The following KCNK13 variants were observed in gnomAD, a reference collection of about 807,000 sequenced individuals.
The protein encoded by KCNK13 is potassium two pore domain channel subfamily K member 13.
A neutral mutation model predicts 23.4 loss-of-function variants in KCNK13; 12 were observed. The observed-to-expected ratio is 0.51, with a 90% confidence interval of 0.33 to 0.83. The LOEUF (loss-of-function observed/expected upper bound fraction) is 0.83. KCNK13 is among the 40% of genes least tolerant of loss of function. The pLI is 0.02. For missense variants in KCNK13, 463 were observed against 556.3 expected (o/e 0.83, Z 1.69); for synonymous variants, 231 against 229.5 (o/e 1.01, Z -0.06).
At chr14:90,177,715 GTGA>G (rs1890438846) in intron 1 of KCNK13, among the ~76,000 whole-genome samples, 1 of 152,160 alleles carries the variant, frequency 6.6e-6, no homozygotes, top group Non-Finnish European at 1.5e-5. Flanking sequence ...AGCTGACATG[GTGA>G]TGGGGCCAGA....
chr14:90,153,926 G>A (rs1239361085), intron 1 of KCNK13, among the ~76,000 whole-genome samples: 1 of 152,188 alleles, frequency 6.6e-6, no homozygotes, highest in Non-Finnish European at 1.5e-5. Flanking sequence ...CCTAGCCTCT[G>A]TCCTGGCGTC....
intron 1 of KCNK13, among the ~76,000 whole-genome samples, chr14:90,144,495 C>CTTT (rs71117323): frequency 0.29 from 34,204 of 117,892 alleles, 6,435 homozygotes; most frequent in Non-Finnish European, 0.35. Context: ...TTTACTTTCT[C>CTTT]TTTTTTTTTT....
Position 90,074,996 on chromosome 14 carries a change from A to AT in KCNK13, c.334+12465dup, listed in dbSNP as rs530016927. 9.8e-4 allele frequency among the ~76,000 whole-genome samples: 149 copies of AT among 151,918 alleles called. No homozygotes were observed. In the East Asian group the frequency reaches 0.012, roughly 12 times the overall value. On this transcript the variant is annotated intron_variant, in intron 1 of 1. Coordinates refer to ENST00000282146, the MANE Select transcript of KCNK13 (RefSeq NM_022054.4). Reference sequence around the variant, plus strand: ...ATCTCTTTAGTTGTAATCTTTAGTAATTTTTTTTAAATTAACCACTTAACA... The same window carrying AT: ...ATCTCTTTAGTTGTAATCTTTAGTAATTTTTTTTTAAATTAACCACTTAACA...
chr14:90,178,530 T>C (rs1890450108), intron 1 of KCNK13, among the ~76,000 whole-genome samples: 1 of 151,882 alleles, frequency 6.6e-6, no homozygotes, highest in Admixed American at 6.6e-5. Flanking sequence ...CCTCAGGTGA[T>C]CCGCCCGCCT....
In KCNK13 at chr14:90,062,220, T is replaced by C; in HGVS notation, c.15T>C (p.Gly5=). The C allele has an allele frequency of 1.1e-6, 1 of 932,930 alleles. No homozygotes were observed. The highest frequency in any genetic ancestry group is 3.0e-5 in the Admixed American group (1 of 33,846). 57.8% of individuals were successfully genotyped at this position (932,930 alleles called of 1,614,324 possible). A position where few individuals can be genotyped will look rare whatever the true frequency, so the allele number is the denominator to read the frequency against. Reference sequence around the variant, plus strand: ...GGGGCCCGGCCATGGCTGGCCGGGGTTTCAGCTGGGGCCCGGGCCACCTGA... The same window carrying C: ...GGGGCCCGGCCATGGCTGGCCGGGGCTTCAGCTGGGGCCCGGGCCACCTGA... MAGR[G]FSWGPGHLNE... is the part of the protein sequence containing the mutation. Residue 5 remains glycine (G), a synonymous_variant, in exon 1 of 2, where the codon GGT becomes GGC. Transcript: ENST00000282146. The surrounding 1 kb of genome is among the most constrained non-coding windows in gnomAD (Gnocchi z 4.5).
At chr14:90,072,514 T>C (rs1425365264) in intron 1 of KCNK13, among the ~76,000 whole-genome samples, 1 of 152,184 alleles carries the variant, frequency 6.6e-6, no homozygotes, top group Non-Finnish European at 1.5e-5. Flanking sequence ...GATCATGAGC[T>C]CTGGGCTTCC....
intron 1 of KCNK13, among the ~76,000 whole-genome samples, chr14:90,144,897 T>C (rs1178652685): frequency 6.6e-6 from 1 of 152,180 alleles, no homozygotes; most frequent in African/African-American, 2.4e-5. Flanking sequence ...AAGCATTGTC[T>C]CTCATCATTA....
intron 1 of KCNK13, among the ~76,000 whole-genome samples, chr14:90,140,197 CAG>C (rs143249569): frequency 0.019 from 2,941 of 152,162 alleles, 42 homozygotes; most frequent in Non-Finnish European, 0.031. Flanking sequence ...GTTATAAGAA[CAG>C]GGAGAAAAAC....
chr14:90,086,898 G>A (rs1268566705), intron 1 of KCNK13, among the ~76,000 whole-genome samples: 1 of 151,770 alleles, frequency 6.6e-6, no homozygotes, highest in Non-Finnish European at 1.5e-5. Context: ...ACCCCTGAGG[G>A]ACTAACCTTG....
At chr14:90,075,623 C>T (rs1340341568) in intron 1 of KCNK13, among the ~76,000 whole-genome samples, 5 of 152,126 alleles carry the variant, frequency 3.3e-5, no homozygotes, top group South Asian at 2.1e-4. Context: ...GGATTACAGG[C>T]GTGCACCACC....
intron 1 of KCNK13, among the ~76,000 whole-genome samples, chr14:90,135,099 C>T (rs968423400): frequency 6.6e-6 from 1 of 152,206 alleles, no homozygotes. Context: ...CCTAGTGGCC[C>T]ACTTGGGGAA....
At chr14:90,150,146 T>C (rs899009017) in intron 1 of KCNK13, among the ~76,000 whole-genome samples, 2 of 152,120 alleles carry the variant, frequency 1.3e-5, no homozygotes, top group Non-Finnish European at 2.9e-5. Flanking sequence ...AAGTACGCTG[T>C]AGAAATTTCC....
chr14:90,125,381 A>G (rs952673731), intron 1 of KCNK13, among the ~76,000 whole-genome samples: 3 of 150,942 alleles, frequency 2.0e-5, no homozygotes, highest in African/African-American at 7.3e-5. Flanking sequence ...CCGCCACCAC[A>G]CCCCGCTAAT....
chr14:90,157,270 T>C (rs527289002), intron 1 of KCNK13, among the ~76,000 whole-genome samples: 23 of 152,336 alleles, frequency 1.5e-4, no homozygotes, highest in African/African-American at 4.3e-4. Context: ...AGAATATTAA[T>C]TGAACCAAAA....
chr14:90,102,958 T>C (rs1278649817), intron 1 of KCNK13, among the ~76,000 whole-genome samples: 1 of 152,224 alleles, frequency 6.6e-6, no homozygotes, highest in African/African-American at 2.4e-5. Context: ...TAGTCTGCAG[T>C]ATCTGTTATT....
intron 1 of KCNK13, among the ~76,000 whole-genome samples, chr14:90,130,744 A>G (rs923878006): frequency 1.1e-4 from 16 of 152,054 alleles, no homozygotes; most frequent in African/African-American, 3.4e-4. Flanking sequence ...AACCCGGGAA[A>G]CAGAGGTTGT....
chr14:90,086,222 A>C (rs1289859716), intron 1 of KCNK13, among the ~76,000 whole-genome samples: 1 of 152,170 alleles, frequency 6.6e-6, no homozygotes, highest in African/African-American at 2.4e-5. Flanking sequence ...AATTTGCAAT[A>C]ATCTTATTCT....
At chr14:90,107,891 G>A (rs1300368782) in intron 1 of KCNK13, 1 of 780,252 alleles carries the variant, frequency 1.3e-6, no homozygotes, top group Non-Finnish European at 2.3e-6. Flanking sequence ...GGGGCCTTGA[G>A]TCTTTATCAG....
intron 1 of KCNK13, among the ~76,000 whole-genome samples, chr14:90,125,162 C>T (rs4337230): frequency 0.29 from 44,671 of 151,718 alleles, 6,744 homozygotes; most frequent in Admixed American, 0.38. Context: ...GTAATGATAG[C>T]TCCTCAGACT....
Sources: gnomAD v4.1 joint callset for allele counts (sites outside exome capture counted in the v4.1 genomes callset) on GRCh38, gnomAD v4.1.1 for gene constraint, Gnocchi (gnomAD v3.1) non-coding constraint, MANE v1.5 for transcripts, NCBI Gene and HGNC (gene_info 2026-07-23, HGNC 2026-07-21) for gene names.